Variants in SLC12A5 observed in about 807,000 individuals in gnomAD.
SLC12A5 encodes the protein K-Cl cotransporter 2.
In SLC12A5, 18 loss-of-function variants were observed where a neutral mutation model predicts 124.0. The ratio of observed to expected loss-of-function variants is 0.15; its 90% CI spans 0.10 to 0.22. The LOEUF (loss-of-function observed/expected upper bound fraction) is 0.22. Ranked by LOEUF, SLC12A5 falls within the 10% of genes least tolerant of loss-of-function variation. The pLI is 1.00. For synonymous variants in SLC12A5, 589 were observed against 568.0 expected, an observed-to-expected ratio of 1.04 and a Z score of -0.53; for missense variants, 867 against 1,478.7, an observed-to-expected ratio of 0.59 and a Z score of 6.78.
rs759067394 is a variant in SLC12A5 at position 46,021,881 on chromosome 20, T to A, written c.44T>A (p.Val15Asp). ...CCCCGCCACCTCCCGGGGGAAGACG[T>A]CAAAGGTAGAGGCCGCAGGGGGCGG... The change falls in exon 1 of 3, where the codon GTC (valine) becomes GAC (aspartate). Residue 15 changes from valine (V) to aspartate (D), a missense_variant. Val to Asp is a radical substitution (Grantham distance 152, BLOSUM62 -3). Transcript: ENST00000413737. The A allele has an allele frequency of 2.0e-5, 31 of 1,525,824 alleles. No homozygotes were observed. The Middle Eastern group carries it at 6.7e-4, about 33-fold the overall frequency. 94.5% of individuals were successfully genotyped at this position (1,525,824 alleles called of 1,614,324 possible).
At chr20:46,050,411 G>A (rs2084637103) in intron 17 of SLC12A5, among the ~76,000 whole-genome samples, 1 of 152,240 alleles carries the variant, frequency 6.6e-6, no homozygotes, top group Admixed American at 6.5e-5. Flanking sequence ...GCCAGTGTCT[G>A]CCTTAAGCAC....
At position 46,048,409 on chromosome 20, in the gene SLC12A5, T is replaced by C. The variant is rs142681224; in HGVS notation, c.2012+324T>C. On this transcript the variant is annotated intron_variant, in intron 16 of 25. Coordinates refer to ENST00000243964, the MANE Select transcript of SLC12A5 (RefSeq NM_020708.5). ...ATGTATGGCAAGTCCCCTTCTAGTC[T>C]CTGGGGATGTAGGAAGCTCACAGTT... Among the ~76,000 whole-genome samples, 1,407 of 152,288 alleles carry C rather than the reference T, an allele frequency of 9.2e-3. 10 individuals carry two copies. Among genetic ancestry groups the C allele is most frequent in the South Asian group, 0.023 (113 of 4,820 alleles).
At chr20:46,022,018 G>A (rs1600581069) in intron 1 of SLC12A5, 1 of 1,121,332 alleles carries the variant, frequency 8.9e-7, no homozygotes, top group Non-Finnish European at 1.2e-6. Flanking sequence ...GGCCTGAGAG[G>A]GGAATGGAGC....
intron 2 of SLC12A5, 71 bp downstream of exon 2, chr20:46,035,113 C>A: frequency 6.7e-7 from 1 of 1,493,922 alleles, no homozygotes; most frequent in Non-Finnish European, 9.3e-7. Flanking sequence ...TCTCTCCCTC[C>A]CTCCCTAGGG....
chr20:46,033,260 G>A (rs1019275013), intron 1 of SLC12A5, among the ~76,000 whole-genome samples: 2 of 152,130 alleles, frequency 1.3e-5, no homozygotes, highest in Non-Finnish European at 2.9e-5. Context: ...GTCAGCCATC[G>A]AGGGGACAGG....
At chr20:46,043,362 G>A (rs1300099333) in intron 9 of SLC12A5, 39 bp downstream of exon 9, 1 of 1,601,192 alleles carries the variant, frequency 6.2e-7, no homozygotes, top group Non-Finnish European at 8.5e-7. Context: ...CTGCCTGTGA[G>A]TGGATGGGGA....
chr20:46,034,864 G>A, intron 1 of SLC12A5, 84 bp from the exon 2 acceptor site: 1 of 1,210,388 alleles, frequency 8.3e-7, no homozygotes, highest in South Asian at 1.2e-5. Context: ...GATTCAGAGG[G>A]CTACTGTGGC....
At position 46,035,388 on chromosome 20, in the gene SLC12A5, C is replaced by G. The variant is rs751494861; in HGVS notation, c.148-16C>G. On this transcript the variant is annotated splice_polypyrimidine_tract_variant and intron_variant, in intron 2 of 25. Transcript: ENST00000243964. ...TGCTCCCCCAGCCTCCTAGCACTGACACCCTCCCTCCATAGGAGGAGATGG... is the reference window on the plus strand; with the variant it reads ...TGCTCCCCCAGCCTCCTAGCACTGAGACCCTCCCTCCATAGGAGGAGATGG... The G allele has an allele frequency of 9.3e-6, 15 of 1,606,810 alleles. 1 individual carries two copies. In the Middle Eastern group the frequency reaches 2.1e-3, roughly 221 times the overall value.
rs1437709792 is a variant in SLC12A5, at chr20:46,056,587, C to A, written c.3110+23C>A. On this transcript the variant is annotated intron_variant, in intron 23 of 25. Transcript: ENST00000243964. This position sits in a 1 kb window ranked among gnomAD's most constrained non-coding sequence, Gnocchi z 4.3. ...GCCGTACGGGCCTGGGGGCTAAGGG[C>A]TGGGGGCTGGGGTGAGCTAAAGGGT... 1.9e-6 allele frequency: 3 copies of A among 1,603,148 alleles called. No homozygotes were observed. The South Asian group carries it at 3.3e-5, about 18-fold the overall frequency.
chr20:46,049,771 A>G lies in SLC12A5; in HGVS notation c.2162A>G (p.Gln721Arg). The change falls in exon 17 of 26, where the codon CAG becomes CGG. Residue 721 changes from glutamine (Q) to arginine (R), a missense_variant. Physicochemically the swap from Gln to Arg is conservative, Grantham distance 43. This residue lies in a region of SLC12A5 where 110 missense variants were observed against 149.9 expected (regional missense o/e 0.73). Transcript: ENST00000243964. ...GGCACCTTTCTGGAAAATCATCCAC[A>G]GGCCCAGCGGGCAGAAGAGGTGAGC... ...LEGTFLENHP[Q>R]AQRAEESIRR... The G allele has an allele frequency of 6.3e-7, 1 of 1,598,788 alleles. No individual in the cohort carries two copies. The highest frequency in any genetic ancestry group is 8.5e-7 in the Non-Finnish European group (1 of 1,173,444).
In SLC12A5 at chr20:46,049,611, A is replaced by G; in HGVS notation, c.2013-11A>G. ...TGGTATATGGATTATGTGACTCTGC[A>G]CACTCTTCAGGCCACAGCTGCTGGT... is the stretch of plus-strand genomic sequence containing the variant. On this transcript the variant is annotated splice_polypyrimidine_tract_variant and intron_variant, in intron 16 of 25. Transcript: ENST00000243964. 2 of 1,595,896 alleles carry G rather than the reference A, an allele frequency of 1.3e-6. No homozygotes were observed. The highest frequency in any genetic ancestry group is 1.7e-6 in the Non-Finnish European group (2 of 1,171,398).
At chr20:46,035,381 G>T (rs2084488242) in intron 2 of SLC12A5, 23 bp from the exon 3 acceptor site, 3 of 1,604,512 alleles carry the variant, frequency 1.9e-6, no homozygotes, top group Non-Finnish European at 2.6e-6. Flanking sequence ...CAGCCTCCTA[G>T]CACTGACACC....
At position 46,057,436 on chromosome 20, in the gene SLC12A5, G is replaced by T. The variant is rs2084706695; in HGVS notation, c.3260-78G>T. On this transcript the variant is annotated intron_variant, in intron 25 of 25. Coordinates refer to ENST00000243964, the MANE Select transcript of SLC12A5 (RefSeq NM_020708.5). The surrounding 1 kb of genome is among the most constrained non-coding windows in gnomAD (Gnocchi z 7.1). ...TCGGACAGGGACACGGGCGCGAGAG[G>T]TCCCCTGGCAGCCGAGCGCGACCCC... 1 of 1,602,190 alleles carries T rather than the reference G, an allele frequency of 6.2e-7. No individual in the cohort carries two copies.
chr20:46,047,664 G>T, intron 15 of SLC12A5, 91 bp downstream of exon 15: 1 of 1,504,164 alleles, frequency 6.6e-7, no homozygotes, highest in Non-Finnish European at 9.1e-7. Context: ...TTGGGGTGGT[G>T]GGGGTGAGAT....
intron 16 of SLC12A5, among the ~76,000 whole-genome samples, chr20:46,048,348 C>T (rs2084617167): frequency 6.6e-6 from 1 of 152,164 alleles, no homozygotes; most frequent in Non-Finnish European, 1.5e-5. Context: ...TTCATTTCAT[C>T]ATTTCCATCA....
chr20:46,030,121 G>A (rs937617805), intron 1 of SLC12A5, among the ~76,000 whole-genome samples: 3 of 151,950 alleles, frequency 2.0e-5, no homozygotes, highest in Non-Finnish European at 2.9e-5. Flanking sequence ...TCTCTCTCTC[G>A]CTTTCCCGTG....
chr20:46,029,110 C>T, upstream of SLC12A5: 1 of 1,338,428 alleles, frequency 7.5e-7, no homozygotes, highest in Non-Finnish European at 9.5e-7. Context: ...GTGGCTCACG[C>T]CTCCTGCATA....
chr20:46,026,385 A>G (rs993727240), upstream of SLC12A5, among the ~76,000 whole-genome samples: 5 of 152,300 alleles, frequency 3.3e-5, no homozygotes, highest in East Asian at 3.9e-4. Context: ...ACTGGCAGCC[A>G]GGTTCCTGGG....
At chr20:46,040,973 A>G in intron 7 of SLC12A5, 2 of 390,184 alleles carry the variant, frequency 5.1e-6, no homozygotes, top group East Asian at 5.7e-5. Flanking sequence ...GTGTTGGACA[A>G]CTCCTCCAGG....
Sources: gnomAD v4.1 joint callset for allele counts (sites outside exome capture counted in the v4.1 genomes callset) on GRCh38, gnomAD v4.1.1 for gene constraint, gnomAD v4.1.1 regional missense constraint, Gnocchi (gnomAD v3.1) non-coding constraint, MANE v1.5 for transcripts, NCBI Gene and HGNC (gene_info 2026-07-23, HGNC 2026-07-21) for gene names.